MPPED1: variants seen among roughly 807,000 people sequenced by gnomAD.
MPPED1 encodes the protein metallophosphoesterase domain containing 1, also known as metallophosphoesterase domain-containing protein 1.
A neutral mutation model predicts 36.2 loss-of-function variants in MPPED1; 16 were observed. The observed-to-expected ratio is 0.44, with a 90% CI of 0.30 to 0.67. The LOEUF (loss-of-function observed/expected upper bound fraction) is 0.67. Among genes scored for constraint, MPPED1 ranks in the 30% least tolerant of loss-of-function variants. The probability of loss-of-function intolerance (pLI) is 0.10; values close to 1 mark genes in which losing one functional copy is unlikely to be tolerated. For missense variants in MPPED1, 307 were observed against 453.4 expected, an observed-to-expected ratio of 0.68 and a Z score of 2.93; for synonymous variants, 199 against 191.3, an observed-to-expected ratio of 1.04 and a Z score of -0.33.
chr22:43,431,863 C>G (rs993014360), intron 2 of MPPED1, among the ~76,000 whole-genome samples: 5 of 152,210 alleles, frequency 3.3e-5, no homozygotes, highest in African/African-American at 1.2e-4. Context: ...GAGTCTATTT[C>G]TTTCTCTGGG....
At chr22:43,429,974 G>T (rs1003037272) in intron 2 of MPPED1, among the ~76,000 whole-genome samples, 1 of 152,188 alleles carries the variant, frequency 6.6e-6, no homozygotes, top group Non-Finnish European at 1.5e-5. Flanking sequence ...CCCCTTGGAC[G>T]CAGTGCTTTG....
At chr22:43,446,631 G>A (rs1471452691) in intron 3 of MPPED1, among the ~76,000 whole-genome samples, 2 of 152,174 alleles carry the variant, frequency 1.3e-5, no homozygotes, top group Non-Finnish European at 2.9e-5. Context: ...ATGGGACCCA[G>A]TAGGGAAGCT....
chr22:43,436,926 T>C (rs135068), intron 3 of MPPED1, among the ~76,000 whole-genome samples: 137,303 of 152,306 alleles, frequency 0.9, 62,029 homozygotes, highest in Middle Eastern at 0.95. Context: ...ACAGCCTGGC[T>C]TTCCAGGTGC....
chr22:43,490,813 A>G (rs952347583), intron 4 of MPPED1, among the ~76,000 whole-genome samples: 1 of 152,156 alleles, frequency 6.6e-6, no homozygotes, highest in African/African-American at 2.4e-5. Flanking sequence ...TCCCAGAAGC[A>G]CCTTACCCAT....
At chr22:43,501,236 C>T (rs1020518345) in intron 5 of MPPED1, among the ~76,000 whole-genome samples, 2 of 152,216 alleles carry the variant, frequency 1.3e-5, no homozygotes, top group Non-Finnish European at 2.9e-5. Flanking sequence ...CGTCAACATT[C>T]GGTGTCATTG....
At chr22:43,497,465 A>G (rs1932455757) in intron 4 of MPPED1, among the ~76,000 whole-genome samples, 2 of 152,176 alleles carry the variant, frequency 1.3e-5, no homozygotes, top group South Asian at 2.1e-4. Flanking sequence ...TCCCAAGGCT[A>G]GAAGCTCACT....
intron 5 of MPPED1, among the ~76,000 whole-genome samples, chr22:43,498,934 C>G (rs939496639): frequency 2.0e-5 from 3 of 152,188 alleles, no homozygotes; most frequent in Non-Finnish European, 4.4e-5. Context: ...CACCACATCC[C>G]TCCCATTCCA....
chr22:43,417,160 G>A (rs1929103412), intron 1 of MPPED1: 3 of 318,858 alleles, frequency 9.4e-6, no homozygotes, highest in South Asian at 2.5e-4. Context: ...CCAGCTAAAA[G>A]GTTTTTAAGT....
chr22:43,420,408 A>AT (rs5845607), intron 1 of MPPED1, among the ~76,000 whole-genome samples: 683 of 141,622 alleles, frequency 4.8e-3, no homozygotes, highest in Non-Finnish European at 6.0e-3. Flanking sequence ...TCAGATAGAC[A>AT]TTTTTTTTTT....
At chr22:43,412,200 AGGCCGGGCGCGGGGCGC>A in intron 1 of MPPED1, 42 bp downstream of exon 1, 2 of 959,964 alleles carry the variant, frequency 2.1e-6, no homozygotes, top group Non-Finnish European at 2.5e-6. Context: ...CGCGGGCGGG[AGGCCGGGCGCGGGGCGC>A]GGCCGGGACC....
chr22:43,505,157 G>A (rs1024341801), intron 6 of MPPED1, among the ~76,000 whole-genome samples: 1 of 151,826 alleles, frequency 6.6e-6, no homozygotes, highest in African/African-American at 2.4e-5. Flanking sequence ...TGATGATGTT[G>A]ATAGTGATGA....
chr22:43,433,668 G>A (rs1397829882), intron 2 of MPPED1, among the ~76,000 whole-genome samples: 3 of 151,702 alleles, frequency 2.0e-5, no homozygotes, highest in African/African-American at 7.3e-5. Flanking sequence ...CGGCTGCGGC[G>A]GATGGAGCGC....
chr22:43,496,446 A>T (rs1405245008), intron 4 of MPPED1, among the ~76,000 whole-genome samples: 1 of 16,796 alleles, frequency 6.0e-5, no homozygotes, highest in Non-Finnish European at 1.0e-4. Context: ...GTGGTGGTGG[A>T]GGTAGTGGTG....
At chr22:43,424,560 C>T (rs1484819419) in intron 1 of MPPED1, among the ~76,000 whole-genome samples, 1 of 152,090 alleles carries the variant, frequency 6.6e-6, no homozygotes, top group African/African-American at 2.4e-5. Flanking sequence ...CATTGTCTTA[C>T]CCCAGCTCAC....
chr22:43,456,221 A>G (rs1025390172), intron 3 of MPPED1, among the ~76,000 whole-genome samples: 3 of 152,248 alleles, frequency 2.0e-5, no homozygotes, highest in Admixed American at 6.5e-5. Flanking sequence ...TTTTGTGACC[A>G]ATCTTAGGAG....
intron 3 of MPPED1, 135 bp downstream of exon 3, chr22:43,435,350 C>T: frequency 1.1e-6 from 1 of 877,240 alleles, no homozygotes; most frequent in Admixed American, 2.7e-5. Context: ...GCCTGGTCAC[C>T]CTCCCTGACC....
At chr22:43,464,326 TG>T (rs1337965861) in intron 3 of MPPED1, among the ~76,000 whole-genome samples, 3 of 142,384 alleles carry the variant, frequency 2.1e-5, no homozygotes, top group African/African-American at 8.0e-5. Context: ...TGTGTGTGTG[TG>T]TGTGTGTGGT....
rs150812596 is a variant in MPPED1 at position 43,430,320 on chromosome 22, G to A, written c.225-4714G>A. On this transcript the variant is annotated intron_variant, in intron 2 of 6. Coordinates refer to ENST00000443721, the MANE Select transcript of MPPED1 (RefSeq NM_001044370.2). Reference sequence around the variant, plus strand: ...ATGGGAGAGAAAGAACCAAGAGCAGGATCCAGAGTGCACTGCAGGGGTGTT... The same window carrying A: ...ATGGGAGAGAAAGAACCAAGAGCAGAATCCAGAGTGCACTGCAGGGGTGTT... Among the ~76,000 whole-genome samples, 698 of 152,300 alleles carry A rather than the reference G, an allele frequency of 4.6e-3. 3 individuals are homozygous for A. Among genetic ancestry groups the A allele is most frequent in the Non-Finnish European group, 7.3e-3 (499 of 68,026 alleles).
rs73889269 is a variant in MPPED1 at position 43,426,652 on chromosome 22, C to T, written c.224+1443C>T. Among the ~76,000 whole-genome samples the T allele has an allele frequency of 6.6e-3, 1,001 of 152,318 alleles. 3 individuals are homozygous for T. The highest frequency in any genetic ancestry group is 0.023 in the African/African-American group (961 of 41,574). On this transcript the variant is annotated intron_variant, in intron 2 of 6. Coordinates refer to ENST00000443721, the MANE Select transcript of MPPED1 (RefSeq NM_001044370.2). The stretch of plus-strand genomic sequence containing the variant: ...GACCTCCCGTCCCTGTGTGGCCTCC[C>T]TCAGGCCTGGCCTCTGTTGTGGGGA...
Sources: gnomAD v4.1 joint callset for allele counts (sites outside exome capture counted in the v4.1 genomes callset) on GRCh38, gnomAD v4.1.1 for gene constraint, MANE v1.5 for transcripts, NCBI Gene and HGNC (gene_info 2026-07-23, HGNC 2026-07-21) for gene names.